Variants in F13A1 observed in about 807,000 individuals in gnomAD.
F13A1 encodes the protein coagulation factor XIII A chain.
In F13A1, 47 loss-of-function variants were observed where a neutral mutation model predicts 80.1. That is an observed-to-expected ratio of 0.59 (90% CI 0.46 to 0.75). The LOEUF is 0.75. F13A1 is among the 30% of genes least tolerant of loss of function. F13A1 has a pLI of 0.00. For synonymous variants in F13A1, 349 were observed against 344.9 expected, an observed-to-expected ratio of 1.01 and a Z score of -0.13; for missense variants, 817 against 930.4, an observed-to-expected ratio of 0.88 and a Z score of 1.59.
chr6:6,186,235 C>A (rs1180684693), intron 10 of F13A1, among the ~76,000 whole-genome samples: 4 of 150,640 alleles, frequency 2.7e-5, no homozygotes, highest in African/African-American at 9.7e-5. Flanking sequence ...CATTAGATCC[C>A]ATTTGTCAAT....
At chr6:6,235,232 T>G (rs1306958667) in intron 6 of F13A1, among the ~76,000 whole-genome samples, 1 of 151,988 alleles carries the variant, frequency 6.6e-6, no homozygotes, top group East Asian at 1.9e-4. Context: ...GTTAGGCAGT[T>G]TCCTTAGATA....
chr6:6,272,149 C>A (rs1240271380), intron 3 of F13A1, among the ~76,000 whole-genome samples: 5 of 152,228 alleles, frequency 3.3e-5, no homozygotes, highest in African/African-American at 1.2e-4. Flanking sequence ...ACGCAAAGCC[C>A]TGCATTGGTA....
intron 4 of F13A1, among the ~76,000 whole-genome samples, chr6:6,256,319 G>A (rs1304093388): frequency 6.6e-6 from 1 of 152,170 alleles, no homozygotes; most frequent in East Asian, 1.9e-4. Context: ...CCCAGAGTAG[G>A]AGCGGCTGCA....
At chr6:6,148,228 C>G (rs1012273618) in intron 14 of F13A1, among the ~76,000 whole-genome samples, 2 of 152,172 alleles carry the variant, frequency 1.3e-5, no homozygotes, top group East Asian at 1.9e-4. Context: ...GAGGTGGAAC[C>G]TCTGCACATC....
intron 3 of F13A1, among the ~76,000 whole-genome samples, chr6:6,298,699 T>A (rs1438812287): frequency 1.3e-5 from 2 of 149,976 alleles, no homozygotes; most frequent in African/African-American, 5.1e-5. Context: ...TGACTCTTTA[T>A]CCAATTTGCC....
Position 6,290,484 on chromosome 6 carries a change from A to T in F13A1, c.319+14867T>A, listed in dbSNP as rs111814962. Among the ~76,000 whole-genome samples, 663 of 152,294 alleles carry T rather than the reference A, an allele frequency of 4.4e-3. 7 individuals carry two copies. Among genetic ancestry groups the T allele is most frequent in the African/African-American group, 0.015 (639 of 41,572 alleles). Reference sequence around the variant, plus strand: ...GTAGGGTAGTGTTTATAGTAGAACAATTTTGGGAATTATTGGGCTAAACAA... The same window carrying T: ...GTAGGGTAGTGTTTATAGTAGAACATTTTTGGGAATTATTGGGCTAAACAA... On this transcript the variant is annotated intron_variant, in intron 3 of 14. Transcript: ENST00000264870.
chr6:6,319,455 C>T (rs569886675), intron 1 of F13A1, among the ~76,000 whole-genome samples: 249 of 152,302 alleles, frequency 1.6e-3, no homozygotes, highest in Non-Finnish European at 3.1e-3. Context: ...TTCCCATTCC[C>T]CAAGCCTGCT....
At chr6:6,259,908 T>C (rs1757755217) in intron 4 of F13A1, among the ~76,000 whole-genome samples, 1 of 152,160 alleles carries the variant, frequency 6.6e-6, no homozygotes. Flanking sequence ...ATATCAGAAA[T>C]CTAAATCTTT....
chr6:6,256,518 T>C (rs1264926578), intron 4 of F13A1, among the ~76,000 whole-genome samples: 1 of 152,118 alleles, frequency 6.6e-6, no homozygotes, highest in Non-Finnish European at 1.5e-5. Flanking sequence ...ATAACCACCC[T>C]TGCAGGCTGA....
At chr6:6,178,034 C>T (rs1299427746) in intron 11 of F13A1, among the ~76,000 whole-genome samples, 1 of 41,424 alleles carries the variant, frequency 2.4e-5, no homozygotes, top group Non-Finnish European at 4.5e-5. Flanking sequence ...GCCCTGGAGG[C>T]CACAGGGAGA....
intron 3 of F13A1, among the ~76,000 whole-genome samples, chr6:6,274,224 A>T (rs531359129): frequency 6.6e-6 from 1 of 152,226 alleles, no homozygotes; most frequent in Non-Finnish European, 1.5e-5. Flanking sequence ...GGTGCTCAAT[A>T]AATATTTGGC....
At chr6:6,203,568 A>G (rs572302313) in intron 8 of F13A1, among the ~76,000 whole-genome samples, 27 of 152,368 alleles carry the variant, frequency 1.8e-4, no homozygotes, top group Admixed American at 3.3e-4. Flanking sequence ...AATTCTTTCA[A>G]GAACCTCAAT....
At chr6:6,161,524 A>ATGTGTG (rs143895728) in intron 13 of F13A1, among the ~76,000 whole-genome samples, 5,712 of 133,342 alleles carry the variant, frequency 0.043, 193 homozygotes, top group African/African-American at 0.096. Flanking sequence ...CAGAGAGAGG[A>ATGTGTG]TGTGTGTGTG....
chr6:6,197,345 A>C lies in F13A1; in HGVS notation c.1113-19T>G. 1 of 1,610,668 alleles carries C rather than the reference A, an allele frequency of 6.2e-7. No homozygotes were observed. Among genetic ancestry groups the C allele is most frequent in the Non-Finnish European group, 8.5e-7 (1 of 1,176,996 alleles). ...GTAGTTCCTTAGAAAACACAAGCCC[A>C]GAAAGGTTAAACTTCCCATCACACC... On this transcript the variant is annotated intron_variant, in intron 8 of 14. Transcript: ENST00000264870.
At chr6:6,270,020 G>A (rs1757900233) in intron 3 of F13A1, among the ~76,000 whole-genome samples, 1 of 152,074 alleles carries the variant, frequency 6.6e-6, no homozygotes, top group South Asian at 2.1e-4. Context: ...CCTACCTACT[G>A]TTTATATAAA....
chr6:6,258,680 G>A (rs2113113409), intron 4 of F13A1, among the ~76,000 whole-genome samples: 1 of 152,240 alleles, frequency 6.6e-6, no homozygotes, highest in East Asian at 1.9e-4. Flanking sequence ...GGCATAAAAA[G>A]CATAATAAGT....
intron 4 of F13A1, among the ~76,000 whole-genome samples, chr6:6,253,142 C>CCA (rs1447202881): frequency 4.1e-4 from 30 of 73,986 alleles, no homozygotes; most frequent in East Asian, 1.0e-3. Flanking sequence ...GAATCTGTCC[C>CCA]AAAAAAAAAA....
intron 8 of F13A1, among the ~76,000 whole-genome samples, chr6:6,202,351 T>C (rs1316200178): frequency 1.3e-5 from 2 of 152,238 alleles, no homozygotes; most frequent in Non-Finnish European, 2.9e-5. Context: ...CATGCATTTG[T>C]AGAGTGCATA....
intron 3 of F13A1, among the ~76,000 whole-genome samples, chr6:6,284,437 A>G (rs1054253190): frequency 3.3e-5 from 5 of 152,210 alleles, no homozygotes; most frequent in Non-Finnish European, 7.3e-5. Flanking sequence ...CCGTCATTTT[A>G]GTCACAGAAA....
Sources: gnomAD v4.1 joint callset for allele counts (sites outside exome capture counted in the v4.1 genomes callset) on GRCh38, gnomAD v4.1.1 for gene constraint, MANE v1.5 for transcripts, NCBI Gene and HGNC (gene_info 2026-07-23, HGNC 2026-07-21) for gene names.